Variants in ANKRD12 observed in about 807,000 individuals in gnomAD.
ANKRD12 encodes ankyrin repeat domain 12, also known as ankyrin repeat domain-containing protein 12.
In ANKRD12, 85 loss-of-function variants were observed where a neutral mutation model predicts 183.4. That is an observed-to-expected ratio of 0.46 (90% CI 0.39 to 0.56). The LOEUF (loss-of-function observed/expected upper bound fraction) is 0.56. ANKRD12 is among the 20% of genes least tolerant of loss of function. The pLI is 0.00. For missense variants in ANKRD12, 2,405 were observed against 2,357.1 expected (o/e 1.02, Z -0.42); for synonymous variants, 914 against 800.2 (o/e 1.14, Z -2.40).
At chr18:9,204,816 G>A (rs952250043) in intron 4 of ANKRD12, among the ~76,000 whole-genome samples, 5 of 152,064 alleles carry the variant, frequency 3.3e-5, no homozygotes, top group African/African-American at 2.4e-5. Context: ...CACCATTCAC[G>A]CAGAAAACAA....
Position 9,232,966 on chromosome 18 carries a change from C to T in ANKRD12, c.943+10967C>T, listed in dbSNP as rs554897982. ...CCAGGTCCAGGCAATTCTTGTGCCTCAGCCTCCCGAGTAGCTGGGATTACT... is the reference window on the plus strand; with the variant it reads ...CCAGGTCCAGGCAATTCTTGTGCCTTAGCCTCCCGAGTAGCTGGGATTACT... On this transcript the variant is annotated intron_variant, in intron 8 of 12. Transcript: ENST00000262126. Among the ~76,000 whole-genome samples, 3 of 152,156 alleles carry T rather than the reference C, an allele frequency of 2.0e-5. No homozygotes were observed. In the South Asian group the frequency reaches 6.2e-4, roughly 32 times the overall value.
intron 2 of ANKRD12, among the ~76,000 whole-genome samples, chr18:9,191,031 AT>A (rs1343914171): frequency 2.6e-5 from 4 of 151,986 alleles, no homozygotes; most frequent in Non-Finnish European, 5.9e-5. Flanking sequence ...TTCTTTTACC[AT>A]TTTTTCTATC....
At chr18:9,245,007 C>T (rs781293931) in intron 8 of ANKRD12, among the ~76,000 whole-genome samples, 2 of 152,028 alleles carry the variant, frequency 1.3e-5, no homozygotes, top group Non-Finnish European at 2.9e-5. Context: ...ATAACAGAAG[C>T]ACAATAAATG....
Position 9,257,061 on chromosome 18 carries a change from G to T in ANKRD12, c.3794G>T (p.Ser1265Ile), listed in dbSNP as rs552519909. 2.5e-6 allele frequency: 4 copies of T among 1,614,136 alleles called. No individual in the cohort carries two copies. The highest frequency in any genetic ancestry group is 3.4e-6 in the Non-Finnish European group (4 of 1,179,994). The change falls in exon 9 of 13, where the codon AGC (serine) becomes ATC (isoleucine). Residue 1265 changes from serine to isoleucine, a missense_variant. Around this residue, in one of 7 missense-constraint regions of ANKRD12, gnomAD observed 1,983 missense variants for 1,725.9 expected, o/e 1.15. Coordinates refer to ENST00000262126, the MANE Select transcript of ANKRD12 (RefSeq NM_015208.5). ...GCTCTTCATGAAAGGGAATTGGACA[G>T]CCTGGCTGACTTGCCGGAGCGGATT... ...SPALHERELD[S>I]LADLPERIKP...
At chr18:9,150,362 T>G (rs2078646330) in intron 1 of ANKRD12, among the ~76,000 whole-genome samples, 1 of 152,218 alleles carries the variant, frequency 6.6e-6, no homozygotes, top group Non-Finnish European at 1.5e-5. Context: ...CCCAGAACGC[T>G]GTAGGACTCC....
intron 8 of ANKRD12, among the ~76,000 whole-genome samples, chr18:9,244,205 TA>T (rs2037822463): frequency 6.6e-6 from 1 of 152,224 alleles, no homozygotes; most frequent in African/African-American, 2.4e-5. Flanking sequence ...GGAATTATTT[TA>T]AACCTAGAAT....
chr18:9,257,955 T>C lies in ANKRD12; in HGVS notation c.4688T>C (p.Val1563Ala), dbSNP rs2038737249. The change falls in exon 9 of 13, where the codon GTG (valine) becomes GCG (alanine). Residue 1563 changes from valine (V) to alanine (A), a missense_variant. By Grantham distance (64) the Val-to-Ala change is moderately conservative. Transcript: ENST00000262126. ...CAAAAAACAGATGCCTTTGTCCCAG[T>C]GTACTCTGACAGCACTATTCAAGAA... ...DVQKTDAFVP[V>A]YSDSTIQEAS... 6.2e-7 allele frequency: 1 copy of C among 1,614,002 alleles called. No individual in the cohort carries two copies. Among genetic ancestry groups the C allele is most frequent in the Non-Finnish European group, 8.5e-7 (1 of 1,179,980 alleles).
chr18:9,240,913 G>T (rs1016602939), intron 8 of ANKRD12, among the ~76,000 whole-genome samples: 5 of 152,062 alleles, frequency 3.3e-5, no homozygotes, highest in South Asian at 4.1e-4. Flanking sequence ...ACAGTAAATT[G>T]TACTATTATA....
rs542750883 is a variant in ANKRD12 at position 9,264,154 on chromosome 18, G to A, written c.5763+266G>A. On this transcript the variant is annotated intron_variant, in intron 10 of 12. Transcript: ENST00000262126. ...TATTTGTTGAATTTGTAGAACTATA[G>A]CAGTAGATTCCTAGTGGAACATTTG... 6.6e-4 allele frequency among the ~76,000 whole-genome samples: 100 copies of A among 152,256 alleles called. 1 individual carries two copies. In the South Asian group the frequency reaches 0.019, roughly 30 times the overall value.
At chr18:9,226,047 T>C (rs2036688030) in intron 8 of ANKRD12, among the ~76,000 whole-genome samples, 1 of 152,238 alleles carries the variant, frequency 6.6e-6, no homozygotes, top group South Asian at 2.1e-4. Context: ...GGTTGTGATG[T>C]AATTCTTAAA....
At chr18:9,138,869 C>T (rs2078220136) in intron 1 of ANKRD12, among the ~76,000 whole-genome samples, 1 of 152,172 alleles carries the variant, frequency 6.6e-6, no homozygotes, top group African/African-American at 2.4e-5. Context: ...GATACAGGCA[C>T]TGAATAAATT....
At chr18:9,242,172 T>C (rs918209553) in intron 8 of ANKRD12, among the ~76,000 whole-genome samples, 1 of 152,160 alleles carries the variant, frequency 6.6e-6, no homozygotes, top group Admixed American at 6.6e-5. Flanking sequence ...ATTAAGTATC[T>C]TTCTTTGAAG....
chr18:9,176,190 T>G (rs1054480631), intron 1 of ANKRD12, among the ~76,000 whole-genome samples: 2 of 152,238 alleles, frequency 1.3e-5, no homozygotes, highest in Non-Finnish European at 2.9e-5. Context: ...TGAACATTTT[T>G]GTTTGCCTAA....
rs1568017758 is a variant in ANKRD12 at position 9,284,124 on chromosome 18, C to G, written c.*2998C>G. 1 of 152,072 alleles carries G rather than the reference C, an allele frequency of 6.6e-6. No homozygotes were observed. Among genetic ancestry groups the G allele is most frequent in the African/African-American group, 2.4e-5 (1 of 41,394 alleles). The allele number at this position is 152,072 out of a possible 1,614,324, so 9.4% of individuals were successfully genotyped here. On this transcript the variant is annotated 3_prime_UTR_variant, in exon 13 of 13. Coordinates refer to ENST00000262126, the MANE Select transcript of ANKRD12 (RefSeq NM_015208.5). ...AATATTTTATTGCTAAAAATGGTAACAAAGTGAGCACATGCTGTTGGAAAA... is the reference window on the plus strand; with the variant it reads ...AATATTTTATTGCTAAAAATGGTAAGAAAGTGAGCACATGCTGTTGGAAAA...
At chr18:9,164,999 T>A (rs2031875437) in intron 1 of ANKRD12, among the ~76,000 whole-genome samples, 1 of 152,228 alleles carries the variant, frequency 6.6e-6, no homozygotes, top group African/African-American at 2.4e-5. Flanking sequence ...CAGTGGGGTG[T>A]TAAAGTCTCC....
Position 9,257,773 on chromosome 18 carries a change from T to C in ANKRD12, c.4506T>C (p.Ala1502=). The C allele has an allele frequency of 6.2e-7, 1 of 1,614,088 alleles. No homozygotes were observed. The highest frequency in any genetic ancestry group is 1.1e-5 in the South Asian group (1 of 91,082). Residue 1502 remains alanine, a synonymous_variant, in exon 9 of 13, where the codon GCT becomes GCC. Transcript: ENST00000262126. ...TCCCCAGCCAATCACTTTCAGATGC[T>C]GAATCGATTTCTAAACATATGTCTT... ...CSFPSQSLSD[A]ESISKHMSLS...
intron 1 of ANKRD12, among the ~76,000 whole-genome samples, chr18:9,173,470 G>T (rs968598082): frequency 6.6e-6 from 1 of 152,036 alleles, no homozygotes; most frequent in East Asian, 1.9e-4. Context: ...TTTTCCATAG[G>T]GCTGCTGTAG....
intron 8 of ANKRD12, among the ~76,000 whole-genome samples, chr18:9,246,716 A>C (rs1407095480): frequency 6.6e-6 from 1 of 152,220 alleles, no homozygotes; most frequent in Non-Finnish European, 1.5e-5. Context: ...GTTATTTATA[A>C]GTTTTTAATT....
intron 10 of ANKRD12, among the ~76,000 whole-genome samples, chr18:9,264,106 G>A (rs1333124568): frequency 6.6e-6 from 1 of 152,186 alleles, no homozygotes; most frequent in African/African-American, 2.4e-5. Flanking sequence ...TTTTTAATAT[G>A]TAAGTCTCTA....
Sources: gnomAD v4.1 joint callset for allele counts (sites outside exome capture counted in the v4.1 genomes callset) on GRCh38, gnomAD v4.1.1 for gene constraint, gnomAD v4.1.1 regional missense constraint, MANE v1.5 for transcripts, NCBI Gene and HGNC (gene_info 2026-07-23, HGNC 2026-07-21) for gene names.